Variants in APBB2 observed in about 807,000 individuals in gnomAD.
APBB2 encodes amyloid beta precursor protein binding family B member 2, also known as Fe65-like 1.
APBB2 carries 38 observed loss-of-function variants against 82.5 expected under a neutral mutation model. The observed-to-expected ratio is 0.46, with a 90% CI of 0.36 to 0.60. The LOEUF is 0.60. APBB2 is among the 20% of genes least tolerant of loss of function. APBB2 has a pLI of 0.00. For synonymous variants in APBB2, 341 were observed against 368.2 expected (o/e 0.93, Z 0.85); for missense variants, 772 against 972.3 (o/e 0.79, Z 2.74).
intron 4 of APBB2, among the ~76,000 whole-genome samples, chr4:41,045,080 A>C (rs1722891619): frequency 6.6e-6 from 1 of 151,834 alleles, no homozygotes; most frequent in South Asian, 2.1e-4. Context: ...TTAGGTCAGT[A>C]TTTGTAGTAT....
At chr4:40,968,764 T>C (rs1795270795) in intron 6 of APBB2, among the ~76,000 whole-genome samples, 1 of 152,182 alleles carries the variant, frequency 6.6e-6, no homozygotes, top group Non-Finnish European at 1.5e-5. Context: ...CCACAAAACT[T>C]TTCCTAATCA....
chr4:40,830,599 G>T, intron 12 of APBB2, 22 bp from the exon 13 acceptor site: 1 of 1,439,954 alleles, frequency 6.9e-7, no homozygotes, highest in Non-Finnish European at 9.8e-7. Context: ...AAATGTATCA[G>T]TCCATTAGTA....
intron 6 of APBB2, among the ~76,000 whole-genome samples, chr4:41,007,072 A>G (rs1356647483): frequency 6.6e-6 from 1 of 152,178 alleles, no homozygotes; most frequent in Non-Finnish European, 1.5e-5. Context: ...ACACTGCTAT[A>G]GTCTAAATGT....
intron 12 of APBB2, among the ~76,000 whole-genome samples, chr4:40,867,121 C>G (rs1764226478): frequency 6.6e-6 from 1 of 152,118 alleles, no homozygotes; most frequent in Non-Finnish European, 1.5e-5. Context: ...CAAATAAAAG[C>G]TTTATTGGAA....
At chr4:41,126,156 G>A (rs1483703146) in intron 2 of APBB2, among the ~76,000 whole-genome samples, 1 of 150,340 alleles carries the variant, frequency 6.7e-6, no homozygotes, top group Non-Finnish European at 1.5e-5. Flanking sequence ...GAGACCGGGG[G>A]AATGCTTGAA....
chr4:40,923,131 G>A (rs1021094789), intron 10 of APBB2, among the ~76,000 whole-genome samples: 5 of 151,556 alleles, frequency 3.3e-5, no homozygotes, highest in South Asian at 2.1e-4. Flanking sequence ...GCCCGCCACC[G>A]CGCCCGGCTA....
Position 40,960,446 on chromosome 4 carries a change from GGT to G in APBB2, c.836-15375_836-15374del, listed in dbSNP as rs1560389666. On this transcript the variant is annotated intron_variant, in intron 6 of 17. Transcript: ENST00000508593. ...CATCAAAAACAGAAATTTTTTTTCG[GGT>G]TTTTTTTTTTTTTTTTTGAGACGGG... Among the ~76,000 whole-genome samples the G allele has an allele frequency of 6.6e-5, 8 of 120,538 alleles. 3 individuals carry two copies. The highest frequency in any genetic ancestry group is 1.2e-4 in the Non-Finnish European group (7 of 60,076). The allele number at this position is 120,538 out of a possible 152,430, so 79.1% of individuals were successfully genotyped here. A position where few individuals can be genotyped will look rare whatever the true frequency, so the allele number is the denominator to read the frequency against.
intron 1 of APBB2, among the ~76,000 whole-genome samples, chr4:41,160,097 A>G (rs1764760844): frequency 6.6e-6 from 1 of 152,156 alleles, no homozygotes; most frequent in Admixed American, 6.5e-5. Context: ...GAAAACATCA[A>G]GGATGAAAAA....
chr4:40,992,566 T>C (rs1223326453), intron 6 of APBB2, among the ~76,000 whole-genome samples: 3 of 152,146 alleles, frequency 2.0e-5, no homozygotes, highest in Non-Finnish European at 4.4e-5. Context: ...AACAGCAGTC[T>C]TGGACACCTC....
At chr4:40,957,652 C>T (rs549424944) in intron 6 of APBB2, among the ~76,000 whole-genome samples, 21 of 150,582 alleles carry the variant, frequency 1.4e-4, no homozygotes, top group Admixed American at 4.0e-4. Context: ...GGTGCGATCT[C>T]GGCTCACTGC....
intron 3 of APBB2, among the ~76,000 whole-genome samples, chr4:41,085,851 TAA>T (rs1412075485): frequency 6.6e-6 from 1 of 151,918 alleles, no homozygotes; most frequent in African/African-American, 2.4e-5. Flanking sequence ...TGTATAATAA[TAA>T]GTTATAAATG....
At chr4:41,056,906 G>A (rs1728032553) in intron 4 of APBB2, among the ~76,000 whole-genome samples, 1 of 152,206 alleles carries the variant, frequency 6.6e-6, no homozygotes, top group Non-Finnish European at 1.5e-5. Flanking sequence ...AGGTATGCCT[G>A]ATTTCCAGAG....
At chr4:41,125,895 CGTCCACA>C (rs1754231679) in intron 2 of APBB2, among the ~76,000 whole-genome samples, 2 of 152,168 alleles carry the variant, frequency 1.3e-5, no homozygotes, top group African/African-American at 2.4e-5. Context: ...CAAAGACAGC[CGTCCACA>C]AAGCTGTCCT....
chr4:40,994,313 G>T (rs1803017658), intron 6 of APBB2, among the ~76,000 whole-genome samples: 2 of 151,270 alleles, frequency 1.3e-5, no homozygotes, highest in South Asian at 4.2e-4. Flanking sequence ...ACACCTAGGA[G>T]TTCTGATGCA....
chr4:40,860,932 G>C (rs985885117), intron 12 of APBB2, among the ~76,000 whole-genome samples: 1 of 152,198 alleles, frequency 6.6e-6, no homozygotes, highest in South Asian at 2.1e-4. Flanking sequence ...CCTACTTCCC[G>C]AGGGCTCGTC....
At chr4:40,887,989 G>C (rs892865751) in intron 12 of APBB2, among the ~76,000 whole-genome samples, 2 of 152,152 alleles carry the variant, frequency 1.3e-5, no homozygotes, top group Non-Finnish European at 2.9e-5. Context: ...TTAGGGTCTG[G>C]AACAGCCGCT....
chr4:41,031,366 T>G (rs562736544), intron 5 of APBB2, among the ~76,000 whole-genome samples: 1 of 152,332 alleles, frequency 6.6e-6, no homozygotes, highest in South Asian at 2.1e-4. Flanking sequence ...AGACCCTCTC[T>G]CATCAGTCGC....
chr4:41,149,417 C>T (rs1057147068), intron 1 of APBB2, among the ~76,000 whole-genome samples: 1 of 151,776 alleles, frequency 6.6e-6, no homozygotes, highest in African/African-American at 2.4e-5. Context: ...CTATGCAGGA[C>T]ATGTCAGCCC....
Position 41,062,772 on chromosome 4 carries a change from C to T in APBB2, c.-51+2804G>A, listed in dbSNP as rs1433460267. Among the ~76,000 whole-genome samples the T allele has an allele frequency of 2.6e-5, 4 of 152,176 alleles. 1 individual carries two copies. In the South Asian group the frequency reaches 6.2e-4, roughly 24 times the overall value. On this transcript the variant is annotated intron_variant, in intron 4 of 17. Transcript: ENST00000508593. The stretch of plus-strand genomic sequence containing the variant: ...AGAGGCCTCGGGGCAGCAATCTCTA[C>T]GCTGAGCACAGGTAGCACGTTTCTG...
Sources: gnomAD v4.1 joint callset for allele counts (sites outside exome capture counted in the v4.1 genomes callset) on GRCh38, gnomAD v4.1.1 for gene constraint, MANE v1.5 for transcripts, NCBI Gene and HGNC (gene_info 2026-07-23, HGNC 2026-07-21) for gene names.